KIF5A: variants seen among roughly 807,000 people sequenced by gnomAD.
KIF5A encodes the protein kinesin heavy chain isoform 5A.
Under a neutral mutation model 141.3 loss-of-function variants are expected in KIF5A, and 35 were observed. That is an observed-to-expected ratio of 0.25 (90% CI 0.19 to 0.33). The LOEUF is 0.33. KIF5A is among the 10% of genes least tolerant of loss of function. The probability of loss-of-function intolerance (pLI) is 1.00; values close to 1 mark genes in which losing one functional copy is unlikely to be tolerated. For missense variants in KIF5A, 861 were observed against 1,314.3 expected (o/e 0.66, Z 5.33); for synonymous variants, 448 against 500.2 (o/e 0.90, Z 1.39).
chr12:57,562,030 A>G (rs1881922098), intron 1 of KIF5A, among the ~76,000 whole-genome samples: 1 of 152,266 alleles, frequency 6.6e-6, no homozygotes, highest in South Asian at 2.1e-4. Flanking sequence ...CCTATGATAG[A>G]GAACAAGCAT....
In KIF5A at chr12:57,563,642, C is replaced by T; in HGVS notation, c.240C>T (p.Gly80=). The stretch of plus-strand genomic sequence containing the variant: ...CAGATGTCCTTGCTGGCTACAATGG[C>T]ACCATTTTTGCTTATGGACAGACAT... ...IVKDVLAGYN[G]TIFAYGQTSS... Residue 80 remains glycine, a synonymous_variant, in exon 3 of 29, where the codon GGC becomes GGT. Coordinates refer to ENST00000455537, the MANE Select transcript of KIF5A (RefSeq NM_004984.4). 6.2e-7 allele frequency: 1 copy of T among 1,614,130 alleles called. No homozygotes were observed. Among genetic ancestry groups the T allele is most frequent in the Non-Finnish European group, 8.5e-7 (1 of 1,179,998 alleles).
At chr12:57,583,416 C>T (rs1226680532) in intron 28 of KIF5A, among the ~76,000 whole-genome samples, 1 of 152,168 alleles carries the variant, frequency 6.6e-6, no homozygotes, top group African/African-American at 2.4e-5. Flanking sequence ...ACCTCCCGTG[C>T]CCCCTTTTGC....
At position 57,567,479 on chromosome 12, in the gene KIF5A, C is replaced by A; in HGVS notation, c.590-15C>A. 6.2e-7 allele frequency: 1 copy of A among 1,612,596 alleles called. No individual in the cohort carries two copies. ...GCAGGGTGGTGCAGGTCCTGTTTCTCCCTTGCTCCTGCAGACATGAATGAA... is the reference window on the plus strand; with the variant it reads ...GCAGGGTGGTGCAGGTCCTGTTTCTACCTTGCTCCTGCAGACATGAATGAA... On this transcript the variant is annotated splice_polypyrimidine_tract_variant and intron_variant, in intron 7 of 28. Transcript: ENST00000455537.
At chr12:57,573,688 G>A (rs1450756861) in intron 15 of KIF5A, among the ~76,000 whole-genome samples, 1 of 152,118 alleles carries the variant, frequency 6.6e-6, no homozygotes, top group African/African-American at 2.4e-5. Context: ...AATTAGCCGG[G>A]TGTGGTGGCT....
chr12:57,563,035 T>A (rs1881957306), intron 1 of KIF5A, among the ~76,000 whole-genome samples: 2 of 150,032 alleles, frequency 1.3e-5, no homozygotes, highest in African/African-American at 4.9e-5. Context: ...TGAGATGGAG[T>A]CTCGCTCTAT....
chr12:57,565,932 TA>T lies in KIF5A; in HGVS notation c.501+974del, dbSNP rs1370480798. Among the ~76,000 whole-genome samples the T allele has an allele frequency of 8.1e-3, 1,125 of 139,524 alleles. 3 individuals carry two copies. The highest frequency in any genetic ancestry group is 0.019 in the African/African-American group (725 of 38,458). The allele number at this position is 139,524 out of a possible 152,430, so 91.5% of individuals were successfully genotyped here. A position where few individuals can be genotyped will look rare whatever the true frequency, so the allele number is the denominator to read the frequency against. On this transcript the variant is annotated intron_variant, in intron 6 of 28. Coordinates refer to ENST00000455537, the MANE Select transcript of KIF5A (RefSeq NM_004984.4). ...GAGCCACTATGCTGAGTCTCTTGTT[TA>T]AAAAAAAAAAAAAATTTTTGTCAGG...
chr12:57,580,464 G>A (rs1354791426), intron 23 of KIF5A, among the ~76,000 whole-genome samples: 1 of 152,150 alleles, frequency 6.6e-6, no homozygotes, highest in Admixed American at 6.6e-5. Flanking sequence ...GCTCTGCACT[G>A]CACCTGCCAT....
rs1678536 is a variant in KIF5A at position 57,585,407 on chromosome 12, C to T, written c.*1226C>T. On this transcript the variant is annotated 3_prime_UTR_variant, in exon 29 of 29. Coordinates refer to ENST00000455537, the MANE Select transcript of KIF5A (RefSeq NM_004984.4). The stretch of plus-strand genomic sequence containing the variant: ...AGGTGGGAAGCTCTAAGGCTTGACC[C>T]TGAGGGGTCTTCTCCCAGCCATTCT... The T allele has an allele frequency of 6.5e-6, 1 of 154,358 alleles. No individual in the cohort carries two copies. The highest frequency in any genetic ancestry group is 5.2e-4 in the Middle Eastern group (1 of 1,926). 9.6% of individuals were successfully genotyped at this position (154,358 alleles called of 1,614,324 possible). A position where few individuals can be genotyped will look rare whatever the true frequency, so the allele number is the denominator to read the frequency against.
intron 1 of KIF5A, among the ~76,000 whole-genome samples, chr12:57,553,378 CAAAGCTAGGTTGGG>C (rs1438593598): frequency 6.6e-6 from 1 of 152,182 alleles, no homozygotes; most frequent in Non-Finnish European, 1.5e-5. Context: ...CCTCACTTGG[CAAAGCTAGGTTGGG>C]ACCTGCAGGG....
chr12:57,576,215 C>A (rs1293395190), intron 18 of KIF5A, 54 bp from the exon 19 acceptor site: 1 of 1,609,896 alleles, frequency 6.2e-7, no homozygotes, highest in Non-Finnish European at 8.5e-7. Flanking sequence ...CTGGCCCTCA[C>A]AGAGCTTGTT....
intron 3 of KIF5A, 37 bp from the exon 4 acceptor site, chr12:57,564,071 A>G (rs535641957): frequency 6.9e-7 from 1 of 1,448,890 alleles, no homozygotes; most frequent in Admixed American, 1.7e-5. Context: ...ATTCTCCCTG[A>G]GCCCCAGCTT....
At chr12:57,579,704 A>T (rs557085460) in intron 23 of KIF5A, among the ~76,000 whole-genome samples, 159 of 152,190 alleles carry the variant, frequency 1.0e-3, no homozygotes, top group African/African-American at 3.7e-3. Context: ...TCCCGCATTC[A>T]CTTTCCCTCT....
chr12:57,563,479 C>T lies in KIF5A; in HGVS notation c.170C>T (p.Thr57Met), dbSNP rs759785671. The change falls in exon 2 of 29, where the codon ACG (threonine) becomes ATG (methionine). Residue 57 changes from threonine (T) to methionine (M), a missense_variant. Physicochemically the swap from Thr to Met is moderately conservative, Grantham distance 81 (BLOSUM62 -1). Around this residue, in one of 5 missense-constraint regions of KIF5A, gnomAD observed 59 missense variants for 81.1 expected, o/e 0.73. Transcript: ENST00000455537. ...YVFDRVFPPNTTQEQVYHACA... is the reference protein window; with the variant it reads ...YVFDRVFPPNMTQEQVYHACA... ...TTTGACCGTGTATTCCCCCCAAACACGACTCAAGAGCAAGTTTATCATGCA... is the reference window on the plus strand; with the variant it reads ...TTTGACCGTGTATTCCCCCCAAACATGACTCAAGAGCAAGTTTATCATGCA... 1.1e-5 allele frequency: 17 copies of T among 1,613,750 alleles called. No individual in the cohort carries two copies. The highest frequency in any genetic ancestry group is 4.4e-5 in the South Asian group (4 of 91,078).
chr12:57,576,051 G>C lies in KIF5A; in HGVS notation c.2024-36G>C, dbSNP rs1882413392. 6 of 1,600,060 alleles carry C rather than the reference G, an allele frequency of 3.7e-6. No homozygotes were observed. In the East Asian group the frequency reaches 1.3e-4, roughly 36 times the overall value. On this transcript the variant is annotated intron_variant, in intron 17 of 28. Coordinates refer to ENST00000455537, the MANE Select transcript of KIF5A (RefSeq NM_004984.4). ...CGTGAAGTTCTTTCCGAAAGAGGTA[G>C]GTTTGATGTCAGCTGTCTTCCCCTC...
chr12:57,570,834 G>A (rs1284464), intron 12 of KIF5A, among the ~76,000 whole-genome samples: 68,329 of 151,642 alleles, frequency 0.45, 16,005 homozygotes, highest in East Asian at 0.77. Flanking sequence ...TTTGTTACTC[G>A]GGCTGAAGTG....
rs1380933834 is a variant in KIF5A at position 57,550,776 on chromosome 12, C to G, written c.129+376C>G. Among the ~76,000 whole-genome samples, 3 of 152,176 alleles carry G rather than the reference C, an allele frequency of 2.0e-5. No homozygotes were observed. The highest frequency in any genetic ancestry group is 7.2e-5 in the African/African-American group (3 of 41,444). Reference sequence around the variant, plus strand: ...CTTTGTTATTGGCTCAGATCTCTACCCCCACCTCCCGGAAGGTAAGGCGGA... The same window carrying G: ...CTTTGTTATTGGCTCAGATCTCTACGCCCACCTCCCGGAAGGTAAGGCGGA... On this transcript the variant is annotated intron_variant, in intron 1 of 28. Coordinates refer to ENST00000455537, the MANE Select transcript of KIF5A (RefSeq NM_004984.4). The surrounding 1 kb of genome is among the most constrained non-coding windows in gnomAD (Gnocchi z 4.6).
chr12:57,575,612 C>A, intron 16 of KIF5A, 28 bp from the exon 17 acceptor site: 1 of 1,584,612 alleles, frequency 6.3e-7, no homozygotes, highest in Non-Finnish European at 8.7e-7. Context: ...GCTCCATCTT[C>A]TTCCTCTCAC....
At chr12:57,565,015 G>T (rs545606416) in intron 6 of KIF5A, 42 bp downstream of exon 6, 2 of 1,577,636 alleles carry the variant, frequency 1.3e-6, no homozygotes, top group South Asian at 1.1e-5. Context: ...CCAGTGTATT[G>T]AGAATGTTGG....
intron 1 of KIF5A, among the ~76,000 whole-genome samples, chr12:57,552,316 C>T (rs1366122059): frequency 6.6e-6 from 1 of 152,024 alleles, no homozygotes; most frequent in Non-Finnish European, 1.5e-5. Flanking sequence ...GTTGTTAGCC[C>T]AGCTAAACAG....
Sources: gnomAD v4.1 joint callset for allele counts (sites outside exome capture counted in the v4.1 genomes callset) on GRCh38, gnomAD v4.1.1 for gene constraint, gnomAD v4.1.1 regional missense constraint, Gnocchi (gnomAD v3.1) non-coding constraint, MANE v1.5 for transcripts, NCBI Gene and HGNC (gene_info 2026-07-23, HGNC 2026-07-21) for gene names.